The following VPS41 variants were observed in gnomAD, a reference collection of about 807,000 sequenced individuals.
The protein encoded by VPS41 is VPS41 subunit of HOPS complex, also known as vacuolar protein sorting-associated protein 41 homolog.
In VPS41, 85 loss-of-function variants were observed where a neutral mutation model predicts 130.9. That is an observed-to-expected ratio of 0.65 (90% CI 0.55 to 0.78). The LOEUF is 0.78. Among genes scored for constraint, VPS41 ranks in the 30% least tolerant of loss-of-function variants. The pLI is 0.00. For synonymous variants in VPS41, 335 were observed against 332.9 expected, an observed-to-expected ratio of 1.01 and a Z score of -0.07; for missense variants, 874 against 1,018.7, an observed-to-expected ratio of 0.86 and a Z score of 1.93.
At chr7:38,775,127 T>A (rs1485156350) in intron 11 of VPS41, 3 of 152,150 alleles carry the variant, frequency 2.0e-5, no homozygotes, top group Non-Finnish European at 4.4e-5. Flanking sequence ...TAAAACAAAT[T>A]GTATTCAATG....
chr7:38,901,292 T>C (rs1787133818), intron 1 of VPS41, among the ~76,000 whole-genome samples: 1 of 152,214 alleles, frequency 6.6e-6, no homozygotes, highest in South Asian at 2.1e-4. Context: ...GTTGTCTTAG[T>C]ACATTTGTGT....
chr7:38,838,178 T>C (rs1020325350), intron 4 of VPS41, among the ~76,000 whole-genome samples: 10 of 151,526 alleles, frequency 6.6e-5, no homozygotes, highest in Non-Finnish European at 1.0e-4. Flanking sequence ...CTTACGTACA[T>C]CTACCATTTC....
chr7:38,762,368 A>T (rs139783696), intron 17 of VPS41, among the ~76,000 whole-genome samples: 2 of 152,324 alleles, frequency 1.3e-5, no homozygotes, highest in East Asian at 3.9e-4. Context: ...ATGCCACAGA[A>T]ATCATCCAAT....
chr7:38,781,130 T>C (rs1784347790), intron 10 of VPS41, among the ~76,000 whole-genome samples: 1 of 152,074 alleles, frequency 6.6e-6, no homozygotes, highest in Admixed American at 6.5e-5. Context: ...AATGCAAGAA[T>C]GGACTACACC....
intron 16 of VPS41, among the ~76,000 whole-genome samples, 188 bp downstream of exon 16, chr7:38,765,392 A>G (rs1297470270): frequency 1.3e-5 from 1 of 75,280 alleles, no homozygotes; most frequent in Non-Finnish European, 2.5e-5. Flanking sequence ...TAATAAATAT[A>G]TAATCTTATA....
chr7:38,750,665 A>G (rs1469210872), intron 22 of VPS41, among the ~76,000 whole-genome samples: 1 of 152,136 alleles, frequency 6.6e-6, no homozygotes, highest in African/African-American at 2.4e-5. Context: ...GCTGCTCCCT[A>G]CTGGGTGAAG....
At chr7:38,865,886 A>G (rs1277739758) in intron 3 of VPS41, among the ~76,000 whole-genome samples, 1 of 152,190 alleles carries the variant, frequency 6.6e-6, no homozygotes, top group African/African-American at 2.4e-5. Flanking sequence ...GGAAGGCCCA[A>G]ATCATTAAGT....
At chr7:38,824,088 C>T (rs1364239284) in intron 5 of VPS41, among the ~76,000 whole-genome samples, 1 of 152,116 alleles carries the variant, frequency 6.6e-6, no homozygotes, top group Non-Finnish European at 1.5e-5. Context: ...CAACAAATGG[C>T]CACCTTGATG....
chr7:38,789,947 T>C, intron 9 of VPS41, 80 bp from the exon 10 acceptor site: 1 of 1,463,142 alleles, frequency 6.8e-7, no homozygotes, highest in Non-Finnish European at 9.5e-7. Context: ...ATGGTATCTT[T>C]GTTAAATTAA....
At chr7:38,831,819 T>C (rs1315129320) in intron 4 of VPS41, among the ~76,000 whole-genome samples, 2 of 152,208 alleles carry the variant, frequency 1.3e-5, no homozygotes, top group Non-Finnish European at 2.9e-5. Flanking sequence ...TACTAAGGGC[T>C]ATGTATGTCA....
intron 17 of VPS41, among the ~76,000 whole-genome samples, chr7:38,762,019 T>C (rs1783931426): frequency 6.6e-6 from 1 of 152,172 alleles, no homozygotes; most frequent in African/African-American, 2.4e-5. Flanking sequence ...ATTTTTTCTT[T>C]TCCCTATCAT....
intron 27 of VPS41, 38 bp from the exon 28 acceptor site, chr7:38,727,026 C>G: frequency 1.4e-6 from 2 of 1,471,292 alleles, no homozygotes; most frequent in South Asian, 1.4e-5. Flanking sequence ...GAACTTAATG[C>G]AACAAGCAAG....
chr7:38,864,532 T>C (rs951768861), intron 3 of VPS41, among the ~76,000 whole-genome samples: 1 of 152,174 alleles, frequency 6.6e-6, no homozygotes, highest in Non-Finnish European at 1.5e-5. Context: ...TTATCCACTT[T>C]TAGAAATATA....
chr7:38,776,448 C>A (rs959267553), intron 11 of VPS41, among the ~76,000 whole-genome samples: 2 of 151,586 alleles, frequency 1.3e-5, no homozygotes, highest in South Asian at 2.1e-4. Context: ...CAAGAGAGGT[C>A]GAAAAAAAAG....
At chr7:38,793,543 A>G (rs1325823505) in intron 9 of VPS41, among the ~76,000 whole-genome samples, 1 of 152,194 alleles carries the variant, frequency 6.6e-6, no homozygotes, top group Non-Finnish European at 1.5e-5. Context: ...CTTGGGCATA[A>G]AGAAAGGGTA....
At chr7:38,755,613 C>T (rs933746216) in intron 19 of VPS41, among the ~76,000 whole-genome samples, 1 of 152,178 alleles carries the variant, frequency 6.6e-6, no homozygotes, top group Non-Finnish European at 1.5e-5. Flanking sequence ...TAGCTGTCTG[C>T]TCCAAATGTT....
At chr7:38,807,758 A>G (rs949522316) in intron 7 of VPS41, among the ~76,000 whole-genome samples, 7 of 152,232 alleles carry the variant, frequency 4.6e-5, no homozygotes, top group Non-Finnish European at 8.8e-5. Context: ...TGCTTTATAC[A>G]GCCTTCTCTT....
chr7:38,898,245 TCTACAA>T lies in VPS41; in HGVS notation c.22-122_22-117del. The T allele has an allele frequency of 1.5e-5, 12 of 796,664 alleles. 1 individual carries two copies. In the South Asian group the frequency reaches 1.8e-4, roughly 12 times the overall value. The allele number at this position is 796,664 out of a possible 1,614,324, so 49.3% of individuals were successfully genotyped here. A position where few individuals can be genotyped will look rare whatever the true frequency, so the allele number is the denominator to read the frequency against. ...CGCATCTGCCCTTTTTGGAAGAGAATCTACAACTATACTTTAGAGGACCACATGCTC... is the reference window on the plus strand; with the variant it reads ...CGCATCTGCCCTTTTTGGAAGAGAATCTATACTTTAGAGGACCACATGCTC... On this transcript the variant is annotated intron_variant, in intron 1 of 28. Transcript: ENST00000310301.
intron 4 of VPS41, among the ~76,000 whole-genome samples, chr7:38,861,210 A>C (rs2116305402): frequency 6.6e-6 from 1 of 152,332 alleles, no homozygotes; most frequent in East Asian, 1.9e-4. Context: ...CTTAGCAAGC[A>C]AACACTGCAA....
Sources: allele counts gnomAD v4.1 joint callset (sites outside exome capture counted in the v4.1 genomes callset), GRCh38; gene constraint gnomAD v4.1.1; transcripts MANE v1.5; gene names NCBI Gene and HGNC (gene_info 2026-07-23, HGNC 2026-07-21).